Variants in COL23A1 observed in about 807,000 individuals in gnomAD.
The protein encoded by COL23A1 is collagen alpha-1(XXIII) chain.
In COL23A1, 97 loss-of-function variants were observed where a neutral mutation model predicts 99.3. The observed-to-expected ratio is 0.98, with a 90% CI of 0.83 to 1.16. The LOEUF (loss-of-function observed/expected upper bound fraction) is 1.16. COL23A1 is among the 50% of genes most tolerant of loss of function. COL23A1 has a pLI of 0.00. For synonymous variants in COL23A1, 320 were observed against 308.2 expected (o/e 1.04, Z -0.40); for missense variants, 762 against 757.4 (o/e 1.01, Z -0.07).
chr5:178,240,619 T>G lies in COL23A1; in HGVS notation c.1581+1423A>C, dbSNP rs115243176. ...CCGGAGCTGCGGGGCTGGGCCACCC[T>G]GCCCCTGCTGTCCCCGCCCTTTCTG... On this transcript the variant is annotated intron_variant, in intron 27 of 28. Transcript: ENST00000390654. Among the ~76,000 whole-genome samples, 1,454 of 152,328 alleles carry G rather than the reference T, an allele frequency of 9.5e-3. 21 individuals carry two copies. The highest frequency in any genetic ancestry group is 0.034 in the African/African-American group (1,403 of 41,578).
At chr5:178,515,959 G>A (rs1045935736) in intron 2 of COL23A1, among the ~76,000 whole-genome samples, 3 of 152,006 alleles carry the variant, frequency 2.0e-5, no homozygotes, top group South Asian at 2.1e-4. Flanking sequence ...GCCTCTGCAC[G>A]CCCTTCCCTT....
rs544738732 is a variant in COL23A1 at position 178,330,727 on chromosome 5, G to A, written c.362-23808C>T. Among the ~76,000 whole-genome samples, 50 of 151,234 alleles carry A rather than the reference G, an allele frequency of 3.3e-4. 1 individual carries two copies. The highest frequency in any genetic ancestry group is 5.3e-4 in the Non-Finnish European group (36 of 67,916). ...CCCTGTCTGATCTGTCCCTTGACAC[G>A]TCTCTGTTCTCATTTCAGGTCCCTC... is the stretch of plus-strand genomic sequence containing the variant. On this transcript the variant is annotated intron_variant, in intron 2 of 28. Transcript: ENST00000390654.
intron 2 of COL23A1, among the ~76,000 whole-genome samples, chr5:178,477,694 G>A (rs2127946806): frequency 6.6e-6 from 1 of 152,312 alleles, no homozygotes; most frequent in Non-Finnish European, 1.5e-5. Context: ...GTGAAAACAT[G>A]TATGTGTGCA....
rs139315280 is a variant in COL23A1, at chr5:178,328,776, G to A, written c.362-21857C>T. Among the ~76,000 whole-genome samples, 550 of 152,272 alleles carry A rather than the reference G, an allele frequency of 3.6e-3. 4 individuals carry two copies. The highest frequency in any genetic ancestry group is 0.012 in the African/African-American group (517 of 41,544). On this transcript the variant is annotated intron_variant, in intron 2 of 28. Coordinates refer to ENST00000390654, the MANE Select transcript of COL23A1 (RefSeq NM_173465.4). ...ACCCCCGTCAACGTTAGTTCTAGAC[G>A]GTTATAGAGGTAACGCAAGGGGTCT... is the stretch of plus-strand genomic sequence containing the variant.
At chr5:178,447,691 C>T (rs1252661521) in intron 2 of COL23A1, among the ~76,000 whole-genome samples, 2 of 152,146 alleles carry the variant, frequency 1.3e-5, no homozygotes, top group Non-Finnish European at 2.9e-5. Flanking sequence ...TGATGCATTA[C>T]TCAGAATGCA....
intron 2 of COL23A1, among the ~76,000 whole-genome samples, chr5:178,358,577 ATGTGTATG>A (rs1425899750): frequency 1.6e-5 from 2 of 126,824 alleles, no homozygotes; most frequent in African/African-American, 5.8e-5. Context: ...TCTAATGTGT[ATGTGTATG>A]TGTGTGTATG....
chr5:178,448,139 C>T lies in COL23A1; in HGVS notation c.361+112543G>A, dbSNP rs943495386. 4.2e-4 allele frequency among the ~76,000 whole-genome samples: 64 copies of T among 151,474 alleles called. 1 individual carries two copies. Among genetic ancestry groups the T allele is most frequent in the Non-Finnish European group, 5.9e-4 (40 of 67,864 alleles). On this transcript the variant is annotated intron_variant, in intron 2 of 28. Coordinates refer to ENST00000390654, the MANE Select transcript of COL23A1 (RefSeq NM_173465.4). ...TCCGTTTTGTTCTGTTAGTGCTAGT[C>T]GCAGTCCGTTTTGTTCTGTTAGTGC...
intron 11 of COL23A1, 110 bp downstream of exon 11, chr5:178,261,612 C>G: frequency 1.3e-6 from 1 of 756,612 alleles, no homozygotes; most frequent in African/African-American, 1.7e-5. Flanking sequence ...CCTGACCCTG[C>G]TGCCTTGGCT....
intron 3 of COL23A1, among the ~76,000 whole-genome samples, chr5:178,303,456 G>T (rs549928613): frequency 1.3e-5 from 2 of 152,192 alleles, no homozygotes; most frequent in African/African-American, 4.8e-5. Context: ...GTTCTGAAAA[G>T]GTCCATCTTC....
At chr5:178,416,160 T>C (rs1448703551) in intron 2 of COL23A1, among the ~76,000 whole-genome samples, 1 of 152,170 alleles carries the variant, frequency 6.6e-6, no homozygotes, top group Non-Finnish European at 1.5e-5. Flanking sequence ...AGGGACCCAA[T>C]ATAGACAAGA....
intron 2 of COL23A1, among the ~76,000 whole-genome samples, chr5:178,368,957 G>A (rs749146476): frequency 2.5e-4 from 38 of 152,250 alleles, no homozygotes; most frequent in Admixed American, 2.0e-3. Flanking sequence ...CCTGAGATGG[G>A]GTTGGGGGAG....
In COL23A1 at chr5:178,550,137, C is replaced by T. The variant is rs117318739; in HGVS notation, c.361+10545G>A. On this transcript the variant is annotated intron_variant, in intron 2 of 28. Coordinates refer to ENST00000390654, the MANE Select transcript of COL23A1 (RefSeq NM_173465.4). ...CTCTACTCCCAGGAAACTAGGAAAC[C>T]TAGCAAGTTGTTTTATCTGTGAGAG... Among the ~76,000 whole-genome samples, 484 of 152,252 alleles carry T rather than the reference C, an allele frequency of 3.2e-3. 7 individuals carry two copies. In the East Asian group the frequency reaches 0.032, roughly 10 times the overall value.
chr5:178,329,960 G>A (rs1301301800), intron 2 of COL23A1, among the ~76,000 whole-genome samples: 1 of 150,190 alleles, frequency 6.7e-6, no homozygotes, highest in East Asian at 2.0e-4. Context: ...AAAGAAGAAA[G>A]AAAGGCTCAC....
intron 2 of COL23A1, among the ~76,000 whole-genome samples, chr5:178,559,351 G>A (rs1046259823): frequency 2.6e-5 from 4 of 152,170 alleles, no homozygotes; most frequent in African/African-American, 9.7e-5. Context: ...GAGAAGACAA[G>A]GGACACTGCG....
chr5:178,542,071 T>C (rs949130266), intron 2 of COL23A1, among the ~76,000 whole-genome samples: 3 of 152,214 alleles, frequency 2.0e-5, no homozygotes, highest in African/African-American at 7.2e-5. Context: ...TCGCCCAGGC[T>C]GGAGTGCAGT....
intron 2 of COL23A1, among the ~76,000 whole-genome samples, chr5:178,450,732 T>C (rs1364622987): frequency 6.6e-6 from 1 of 152,186 alleles, no homozygotes; most frequent in Non-Finnish European, 1.5e-5. Flanking sequence ...TGCAGTAGAC[T>C]AGGTGCTCTC....
intron 2 of COL23A1, among the ~76,000 whole-genome samples, chr5:178,482,311 T>C (rs917157082): frequency 2.6e-5 from 4 of 151,932 alleles, no homozygotes; most frequent in Non-Finnish European, 5.9e-5. Flanking sequence ...GATAGACAGA[T>C]GAACCTTGAA....
intron 2 of COL23A1, among the ~76,000 whole-genome samples, chr5:178,385,746 C>G (rs1160247245): frequency 6.6e-6 from 1 of 152,220 alleles, no homozygotes; most frequent in Admixed American, 6.5e-5. Flanking sequence ...AACACCCAAT[C>G]CAAAGAGGAT....
intron 2 of COL23A1, among the ~76,000 whole-genome samples, chr5:178,398,272 G>A (rs1047494296): frequency 4.6e-5 from 7 of 152,188 alleles, no homozygotes; most frequent in African/African-American, 7.2e-5. Flanking sequence ...GTCTTCATGT[G>A]CTTTCACACG....
Sources: gnomAD v4.1 joint callset for allele counts (sites outside exome capture counted in the v4.1 genomes callset) on GRCh38, gnomAD v4.1.1 for gene constraint, MANE v1.5 for transcripts, NCBI Gene and HGNC (gene_info 2026-07-23, HGNC 2026-07-21) for gene names.